The following TMPRSS9 variants were observed in gnomAD, a reference collection of about 807,000 sequenced individuals.
TMPRSS9 encodes the protein transmembrane serine protease 9.
In TMPRSS9, 113 loss-of-function variants were observed where a neutral mutation model predicts 111.4. The observed-to-expected ratio is 1.01, with a 90% CI of 0.87 to 1.19. The LOEUF is 1.19. TMPRSS9 is among the 50% of genes most tolerant of loss of function. The pLI is 0.00. For synonymous variants in TMPRSS9, 805 were observed against 659.1 expected, an observed-to-expected ratio of 1.22 and a Z score of -3.39; for missense variants, 1,803 against 1,513.1, an observed-to-expected ratio of 1.19 and a Z score of -3.18.
upstream of TMPRSS9, among the ~76,000 whole-genome samples, chr19:2,388,608 A>T (rs893279552): frequency 6.6e-6 from 1 of 152,172 alleles, no homozygotes; most frequent in Non-Finnish European, 1.5e-5. Flanking sequence ...ACTGTGAGAT[A>T]ATCAATCAGT....
At chr19:2,379,625 CTTTCTTT>C (rs1568170749) in intron 1 of TMPRSS9, among the ~76,000 whole-genome samples, 248 of 139,970 alleles carry the variant, frequency 1.8e-3, no homozygotes, top group African/African-American at 6.6e-3. Context: ...CTCTTTCTTT[CTTTCTTT>C]CTTTCTTTCT....
chr19:2,378,859 G>C (rs1247181120), intron 1 of TMPRSS9, among the ~76,000 whole-genome samples: 1 of 152,150 alleles, frequency 6.6e-6, no homozygotes, highest in Non-Finnish European at 1.5e-5. Context: ...TTCACATGGC[G>C]GTAGGAGAGA....
intron 1 of TMPRSS9, among the ~76,000 whole-genome samples, chr19:2,379,074 C>T (rs1479945448): frequency 1.3e-5 from 2 of 151,938 alleles, no homozygotes; most frequent in Non-Finnish European, 2.9e-5. Flanking sequence ...TATTAGATAC[C>T]TGGAGGGAGA....
intron 4 of TMPRSS9, 80 bp downstream of exon 5, chr19:2,399,273 C>G (rs1481330270): frequency 6.8e-7 from 1 of 1,471,710 alleles, no homozygotes; most frequent in East Asian, 2.4e-5. Flanking sequence ...TTTTGATAAC[C>G]ACCCCTTCCC....
intron 13 of TMPRSS9, among the ~76,000 whole-genome samples, chr19:2,420,329 C>T (rs1971434306): frequency 6.6e-6 from 1 of 151,600 alleles, no homozygotes; most frequent in Admixed American, 6.6e-5. Context: ...GTAATTCTAG[C>T]TACTCCGGAG....
At chr19:2,408,749 G>A in intron 8 of TMPRSS9, 119 bp downstream of exon 9, 1 of 1,343,850 alleles carries the variant, frequency 7.4e-7, no homozygotes, top group Non-Finnish European at 1.0e-6. Flanking sequence ...GGCCGAGGCG[G>A]GTGGATCACG....
At chr19:2,385,156 C>A (rs1026051944), upstream of TMPRSS9, among the ~76,000 whole-genome samples, 2 of 37,866 alleles carry the variant, frequency 5.3e-5, no homozygotes, top group East Asian at 1.7e-3. Flanking sequence ...GCGGAGCTCG[C>A]GGAGGGCGGG....
At chr19:2,417,897 G>A (rs942793166) in intron 12 of TMPRSS9, 105 bp from the exon 14 acceptor site, 38 of 1,456,618 alleles carry the variant, frequency 2.6e-5, no homozygotes, top group Middle Eastern at 2.4e-4. Flanking sequence ...TGGTTTCTTC[G>A]TCTGTGGGGT....
chr19:2,379,621 CTT>C (rs1027529979), intron 1 of TMPRSS9, among the ~76,000 whole-genome samples: 7 of 128,568 alleles, frequency 5.4e-5, no homozygotes, highest in African/African-American at 1.9e-4. Context: ...CTTTCTCTTT[CTT>C]TCTTTCTTTC....
At chr19:2,374,399 C>T (rs146252472) in intron 1 of TMPRSS9, among the ~76,000 whole-genome samples, 14,977 of 150,638 alleles carry the variant, frequency 0.099, 1,210 homozygotes, top group East Asian at 0.26. Context: ...ATGGTGAAAC[C>T]CCGTCTCTAC....
At chr19:2,416,932 G>C in intron 12 of TMPRSS9, 123 bp downstream of exon 13, 1 of 1,275,802 alleles carries the variant, frequency 7.8e-7, no homozygotes, top group Non-Finnish European at 1.0e-6. Flanking sequence ...GACCTCTGTG[G>C]CTGATCCCTT....
chr19:2,425,478 C>T (rs1300920785), exon 17 of TMPRSS9: 1 of 1,588,288 alleles, frequency 6.3e-7, no homozygotes. Flanking sequence ...CGCAGGGTGG[C>T]GTGGACAGCT....
At chr19:2,424,204 G>C (rs1659165907) in exon 15 of TMPRSS9, 2 of 1,452,634 alleles carry the variant, frequency 1.4e-6, no homozygotes, top group African/African-American at 1.5e-5. Flanking sequence ...ACCGTTGCGG[G>C]GCCGTGCTGG....
rs143847132 is a variant in TMPRSS9, at chr19:2,397,892, C to T, written c.271-903C>T. ...CCAAGATCGTGCCATTGCACTCCAGCCTGGGTGACCGAGTGAGACTCCATC... is the reference window on the plus strand; with the variant it reads ...CCAAGATCGTGCCATTGCACTCCAGTCTGGGTGACCGAGTGAGACTCCATC... On this transcript the variant is annotated intron_variant, in intron 2 of 17. Transcript: ENST00000648592. 6.2e-3 allele frequency among the ~76,000 whole-genome samples: 842 copies of T among 135,794 alleles called. 7 individuals are homozygous for T. The highest frequency in any genetic ancestry group is 0.022 in the African/African-American group (800 of 36,130). The allele number at this position is 135,794 out of a possible 152,430, so 89.1% of individuals were successfully genotyped here. A position where few individuals can be genotyped will look rare whatever the true frequency, so the allele number is the denominator to read the frequency against.
At chr19:2,391,718 C>T (rs1292395559) in intron 1 of TMPRSS9, among the ~76,000 whole-genome samples, 4 of 150,272 alleles carry the variant, frequency 2.7e-5, no homozygotes, top group African/African-American at 9.8e-5. Flanking sequence ...CCCATCAGGA[C>T]CCCCCTGAAA....
rs72971471 is a variant in TMPRSS9, at chr19:2,408,324, G to A, written c.843-32G>A. The A allele has an allele frequency of 1.6e-5, 26 of 1,600,834 alleles. No individual in the cohort carries two copies. The East Asian group carries it at 2.5e-4, about 15-fold the overall frequency. ...GCCTCCCCCGACGGCTCTGACCCTC[G>A]GTGGCTTCTGAGCTGGGGTTTGCTC... On this transcript the variant is annotated intron_variant, in intron 7 of 17. Coordinates refer to ENST00000648592, the Ensembl canonical transcript of TMPRSS9.
intron 13 of TMPRSS9, among the ~76,000 whole-genome samples, chr19:2,420,163 A>G (rs1468008383): frequency 1.6e-5 from 2 of 126,382 alleles, no homozygotes; most frequent in African/African-American, 7.3e-5. Flanking sequence ...CCCTATCTCA[A>G]AAAACGAAGG....
intron 1 of TMPRSS9, among the ~76,000 whole-genome samples, chr19:2,364,593 G>A (rs1970233134): frequency 3.3e-5 from 5 of 151,974 alleles, no homozygotes; most frequent in Admixed American, 3.3e-4. Context: ...AAAAAAATTG[G>A]GGGGGATAAT....
intron 1 of TMPRSS9, among the ~76,000 whole-genome samples, chr19:2,371,772 A>G (rs2145247384): frequency 6.6e-6 from 1 of 151,808 alleles, no homozygotes; most frequent in South Asian, 2.1e-4. Context: ...ACAACTGGTC[A>G]CCCCAAAGCA....
Sources: allele counts gnomAD v4.1 joint callset (sites outside exome capture counted in the v4.1 genomes callset), GRCh38; gene constraint gnomAD v4.1.1; transcripts MANE v1.5; gene names NCBI Gene and HGNC (gene_info 2026-07-23, HGNC 2026-07-21).